Variants in AGAP2 observed in about 807,000 individuals in gnomAD.
AGAP2 encodes the protein ArfGAP with GTPase domain, ankyrin repeat and PH domain 2.
A neutral mutation model predicts 110.9 loss-of-function variants in AGAP2; 32 were observed. The ratio of observed to expected loss-of-function variants is 0.29; its 90% confidence interval spans 0.22 to 0.39. The LOEUF (loss-of-function observed/expected upper bound fraction) is 0.39, where lower values mean the gene tolerates loss of function less well. Among genes scored for constraint, AGAP2 ranks in the 10% least tolerant of loss-of-function variants. The probability of loss-of-function intolerance (pLI) is 1.00; values close to 1 mark genes in which losing one functional copy is unlikely to be tolerated. For missense variants in AGAP2, 1,285 were observed against 1,638.5 expected (o/e 0.78, Z 3.72); for synonymous variants, 702 against 713.0 (o/e 0.98, Z 0.25).
In AGAP2 at chr12:57,725,282, C is replaced by A. The variant is rs1366023038; in HGVS notation, c.*1270G>T. On this transcript the variant is annotated 3_prime_UTR_variant, in exon 19 of 19. Transcript: ENST00000547588. ...GAGATGGGGGGGCATTTCCCCCTTGCCCCCACCTCTCTCCCCTCCCCAATT... is the reference window on the plus strand; with the variant it reads ...GAGATGGGGGGGCATTTCCCCCTTGACCCCACCTCTCTCCCCTCCCCAATT... 6.6e-6 allele frequency: 1 copy of A among 152,214 alleles called. No homozygotes were observed. The highest frequency in any genetic ancestry group is 2.4e-5 in the African/African-American group (1 of 41,338). The allele number at this position is 152,214 out of a possible 1,614,324, so 9.4% of individuals were successfully genotyped here. A position where few individuals can be genotyped will look rare whatever the true frequency, so the allele number is the denominator to read the frequency against.
chr12:57,731,025 T>C, intron 10 of AGAP2, 72 bp from the exon 11 acceptor site: 2 of 1,410,608 alleles, frequency 1.4e-6, no homozygotes, highest in South Asian at 2.9e-5. Flanking sequence ...GTCAACATGG[T>C]ACAGAATAGA....
chr12:57,735,625 G>C (rs1458107345), intron 1 of AGAP2, among the ~76,000 whole-genome samples, 198 bp from the exon 2 acceptor site: 1 of 152,174 alleles, frequency 6.6e-6, no homozygotes, highest in African/African-American at 2.4e-5. Context: ...TGTTGCTGCC[G>C]CTCAGTGGTT....
At position 57,738,132 on chromosome 12, in the gene AGAP2, C is replaced by T; in HGVS notation, c.115G>A (p.Ala39Thr). 1 of 1,520,918 alleles carries T rather than the reference C, an allele frequency of 6.6e-7. No individual in the cohort carries two copies. The highest frequency in any genetic ancestry group is 2.5e-5 in the East Asian group (1 of 39,604). 94.2% of individuals were successfully genotyped at this position (1,520,918 alleles called of 1,614,324 possible). ...GAGCCTCTGGCACCGGCGGCGCCGG[C>T]CGCGGCCGCAGACGGAGAAGGCGGC... is the stretch of plus-strand genomic sequence containing the variant. ...PPPPSPSAAA[A>T]GAAGARGSET... The change falls in exon 1 of 19, where the codon GCC becomes ACC. Residue 39 changes from alanine (A) to threonine (T), a missense_variant. Coordinates refer to ENST00000547588, the MANE Select transcript of AGAP2 (RefSeq NM_001122772.3). This position sits in a 1 kb window ranked among gnomAD's most constrained non-coding sequence, Gnocchi z 6.7.
chr12:57,731,886 C>T lies in AGAP2; in HGVS notation c.1876G>A (p.Glu626Lys), dbSNP rs539957090. ...PNVGHRELRA[E>K]AAAVAGLSTP... ...CTCAATCCAGCCACTGCAGCTGCCT[C>T]GGCTCGGAGCTCCCGGTGACCAACA... The change falls in exon 8 of 19, where the codon GAG (glutamate) becomes AAG (lysine). Residue 626 changes from glutamate to lysine, a missense_variant. Coordinates refer to ENST00000547588, the MANE Select transcript of AGAP2 (RefSeq NM_001122772.3). 7.4e-6 allele frequency: 12 copies of T among 1,611,558 alleles called. No individual in the cohort carries two copies. The highest frequency in any genetic ancestry group is 2.2e-5 in the East Asian group (1 of 44,836).
chr12:57,728,160 C>G, intron 14 of AGAP2, 75 bp from the exon 15 acceptor site: 1 of 1,545,454 alleles, frequency 6.5e-7, no homozygotes, highest in Non-Finnish European at 8.7e-7. Context: ...ACCGTCCTCC[C>G]TGATGTCCAT....
intron 1 of AGAP2, 80 bp downstream of exon 1, chr12:57,736,999 C>T (rs1954993941): frequency 6.9e-7 from 1 of 1,446,328 alleles, no homozygotes; most frequent in African/African-American, 1.4e-5. Flanking sequence ...TCCCTAGTTT[C>T]CTGGACCTCG....
intron 10 of AGAP2, 140 bp downstream of exon 10, chr12:57,731,226 C>T: frequency 1.2e-6 from 1 of 801,552 alleles, no homozygotes; most frequent in South Asian, 1.7e-5. Context: ...ATGGTGGGCT[C>T]TTAACACATG....
chr12:57,731,046 G>T, intron 10 of AGAP2, 93 bp from the exon 11 acceptor site: 1 of 1,353,762 alleles, frequency 7.4e-7, no homozygotes, highest in East Asian at 2.5e-5. Flanking sequence ...GAGGGACTGG[G>T]GAGGGGTCTT....
At chr12:57,733,092 T>C (rs1203146504) in intron 5 of AGAP2, 113 bp from the exon 6 acceptor site, 2 of 1,362,310 alleles carry the variant, frequency 1.5e-6, no homozygotes, top group African/African-American at 2.9e-5. Context: ...GGGGATGGGG[T>C]GTGAGAGATC....
chr12:57,734,530 T>C (rs781747728), intron 3 of AGAP2, 62 bp downstream of exon 3: 85 of 1,597,092 alleles, frequency 5.3e-5, no homozygotes, highest in Non-Finnish European at 7.1e-5. Context: ...TGCCTAATCA[T>C]TGATCTCACT....
chr12:57,730,751 C>A lies in AGAP2; in HGVS notation c.2308+40G>T, dbSNP rs2301551. On this transcript the variant is annotated intron_variant, in intron 11 of 18. Coordinates refer to ENST00000547588, the MANE Select transcript of AGAP2 (RefSeq NM_001122772.3). ...CTCTTACCCCTCTTTTTCCCCAGCCCTGGCCCCTCTTCTGCTCCTATGTCA... is the reference window on the plus strand; with the variant it reads ...CTCTTACCCCTCTTTTTCCCCAGCCATGGCCCCTCTTCTGCTCCTATGTCA... 3.7e-5 allele frequency: 59 copies of A among 1,611,838 alleles called. No homozygotes were observed. In the East Asian group the frequency reaches 5.1e-4, roughly 14 times the overall value.
Position 57,737,484 on chromosome 12 carries a change from C to CA in AGAP2, c.762dup (p.Gly255TrpfsTer20). ...CGGGCTCCAGCCCCAGCCCCGACCCCACCAGAGGTCGAAGCTGTAGAGCCC... is the reference window on the plus strand; with the variant it reads ...CGGGCTCCAGCCCCAGCCCCGACCCCAACCAGAGGTCGAAGCTGTAGAGCCC... On this transcript the variant is annotated frameshift_variant, in exon 1 of 19. Coordinates refer to ENST00000547588, the MANE Select transcript of AGAP2 (RefSeq NM_001122772.3). LOFTEE classifies it high-confidence loss of function. This position sits in a 1 kb window ranked among gnomAD's most constrained non-coding sequence, Gnocchi z 5.9. The CA allele has an allele frequency of 6.2e-7, 1 of 1,606,462 alleles. No homozygotes were observed.
At position 57,730,856 on chromosome 12, in the gene AGAP2, C is replaced by A; in HGVS notation, c.2243G>T (p.Gly748Val). ...KRPPRAISAFGPSASINGLVK... is the reference protein window; with the variant it reads ...KRPPRAISAFVPSASINGLVK... ...GAGCCCGTTAATGCTGGCTGAGGGG[C>A]CAAAGGCAGAGATGGCCCTCGGGGG... Residue 748 changes from glycine (G) to valine (V), a missense_variant, in exon 11 of 19, where the codon GGC becomes GTC. By Grantham distance (109) the Gly-to-Val change is moderately radical. Transcript: ENST00000547588. 1 of 1,613,738 alleles carries A rather than the reference C, an allele frequency of 6.2e-7. No homozygotes were observed. Among genetic ancestry groups the A allele is most frequent in the Non-Finnish European group, 8.5e-7 (1 of 1,179,896 alleles).
At chr12:57,735,524 C>CG (rs1163719974) in intron 1 of AGAP2, 97 bp from the exon 2 acceptor site, 32 of 1,163,706 alleles carry the variant, frequency 2.7e-5, no homozygotes, top group Non-Finnish European at 3.6e-5. Context: ...TTCCAACCCC[C>CG]CCCCAACCCT....
intron 4 of AGAP2, 22 bp downstream of exon 4, chr12:57,734,297 C>T: frequency 6.2e-7 from 1 of 1,613,988 alleles, no homozygotes; most frequent in Non-Finnish European, 8.5e-7. Flanking sequence ...GCCAGCCTGT[C>T]CCCCACCACC....
Position 57,729,759 on chromosome 12 carries a change from G to C in AGAP2, c.2437C>G (p.Pro813Ala), listed in dbSNP as rs776359629. 6.2e-7 allele frequency: 1 copy of C among 1,612,516 alleles called. No individual in the cohort carries two copies. The highest frequency in any genetic ancestry group is 8.5e-7 in the Non-Finnish European group (1 of 1,179,140). The change falls in exon 13 of 19, where the codon CCA becomes GCA. Residue 813 changes from proline (P) to alanine (A), a missense_variant. Pro to Ala is a conservative substitution (Grantham distance 27). Around this residue, in one of 7 missense-constraint regions of AGAP2, gnomAD observed 135 missense variants for 182.0 expected, o/e 0.74. Coordinates refer to ENST00000547588, the MANE Select transcript of AGAP2 (RefSeq NM_001122772.3). ...LARALSTDCT[P>A]SGDLSPLSRE... ...CTCAGGGGGCTCAGGTCTCCAGATG[G>C]GGTACAGTCTTAGGGAGGAAGACAC...
In AGAP2 at chr12:57,737,764, G is replaced by C. The variant is rs1292220512; in HGVS notation, c.483C>G (p.Gly161=). The change falls in exon 1 of 19, where the codon GGC becomes GGG. Residue 161 remains glycine, a synonymous_variant. Transcript: ENST00000547588. The surrounding 1 kb of genome is among the most constrained non-coding windows in gnomAD (Gnocchi z 5.9). The part of the protein sequence containing the change: ...GGPEPEGRAG[G]GIPGSSSPHP... ...GCGGAGAGGATGAGCCAGGGATGCC[G>C]CCGCCCGCCCGGCCTTCGGGCTCCG... 7.2e-6 allele frequency: 11 copies of C among 1,534,304 alleles called. No homozygotes were observed. In the South Asian group the frequency reaches 1.2e-4, roughly 17 times the overall value.
In AGAP2 at chr12:57,726,642, G is replaced by C. The variant is rs1295606641; in HGVS notation, c.3489C>G (p.Thr1163=). The C allele has an allele frequency of 3.3e-6, 4 of 1,197,146 alleles. No homozygotes were observed. In the African/African-American group the frequency reaches 6.4e-5, roughly 19 times the overall value. 74.2% of individuals were successfully genotyped at this position (1,197,146 alleles called of 1,614,324 possible). The change falls in exon 19 of 19, where the codon ACC becomes ACG. Residue 1163 remains threonine, a synonymous_variant. Coordinates refer to ENST00000547588, the MANE Select transcript of AGAP2 (RefSeq NM_001122772.3). The surrounding 1 kb of genome is among the most constrained non-coding windows in gnomAD (Gnocchi z 5.7). ...GSAATTPSAA[T]TPSITATPSP... is the part of the protein sequence containing the mutation. ...TGGGCGTGGCGGTGATGCTGGGCGT[G>C]GTGGCCGCGCTGGGCGTGGTGGCCG... is the stretch of plus-strand genomic sequence containing the variant.
intron 13 of AGAP2, among the ~76,000 whole-genome samples, chr12:57,728,856 C>A (rs1954826915): frequency 6.6e-6 from 1 of 151,902 alleles, no homozygotes; most frequent in South Asian, 2.1e-4. Flanking sequence ...GAGCACTTGG[C>A]AATAGAAAGT....
Sources: allele counts gnomAD v4.1 joint callset (sites outside exome capture counted in the v4.1 genomes callset), GRCh38; gene constraint gnomAD v4.1.1; regional missense constraint gnomAD v4.1.1; non-coding constraint Gnocchi (gnomAD v3.1); transcripts MANE v1.5; gene names NCBI Gene and HGNC (gene_info 2026-07-23, HGNC 2026-07-21).